The following ATP11C variants were observed in gnomAD, a reference collection of about 807,000 sequenced individuals.
ATP11C encodes ATPase phospholipid transporting 11C (ATP11C blood group), also known as phospholipid-transporting ATPase IG.
A neutral mutation model predicts 97.4 loss-of-function variants in ATP11C; 36 were observed. The ratio of observed to expected loss-of-function variants is 0.37; its 90% CI spans 0.28 to 0.49. ATP11C has a LOEUF of 0.49. Ranked by LOEUF, ATP11C falls within the 20% of genes least tolerant of loss-of-function variation. The pLI is 0.98. For synonymous variants in ATP11C, 275 were observed against 290.9 expected (o/e 0.95, Z 0.56); for missense variants, 730 against 824.6 (o/e 0.89, Z 1.40).
At chrX:139,786,644 C>T (rs1413015336) in intron 15 of ATP11C, among the ~76,000 whole-genome samples, 1 of 112,270 alleles carries the variant, frequency 8.9e-6, no homozygotes, top group African/African-American at 3.2e-5. Context: ...AATTAAAATC[C>T]ACCATTAAGA....
chrX:139,870,891 C>A (rs1186341560), intron 1 of ATP11C, among the ~76,000 whole-genome samples: 1 of 109,056 alleles, frequency 9.2e-6, no homozygotes, highest in Non-Finnish European at 1.9e-5. Context: ...CCCGTCTCTG[C>A]TAAAAATACA....
intron 1 of ATP11C, among the ~76,000 whole-genome samples, chrX:139,919,698 T>C (rs2085223671): frequency 2.7e-5 from 3 of 112,256 alleles, no homozygotes; most frequent in Non-Finnish European, 5.6e-5. Context: ...GGTGGGCGGA[T>C]GACCTAAGGC....
chrX:139,816,268 G>A (rs923645374), intron 4 of ATP11C, among the ~76,000 whole-genome samples: 3 of 111,676 alleles, frequency 2.7e-5, no homozygotes, highest in African/African-American at 9.8e-5. Context: ...CACAAAACAT[G>A]ATTAACATTG....
intron 1 of ATP11C, among the ~76,000 whole-genome samples, chrX:139,913,224 G>C (rs899778683): frequency 1.8e-5 from 2 of 111,956 alleles, no homozygotes; most frequent in Non-Finnish European, 3.8e-5. Context: ...GGCAAAGGCA[G>C]TGTTGATTCC....
At chrX:139,765,479 G>A (rs2082118202) in intron 20 of ATP11C, among the ~76,000 whole-genome samples, 2 of 112,048 alleles carry the variant, frequency 1.8e-5, no homozygotes, top group African/African-American at 3.2e-5. Context: ...GAAGGCCTAG[G>A]ATGTCAGAGA....
chrX:139,745,535 C>A (rs1470275626), intron 25 of ATP11C, among the ~76,000 whole-genome samples, 187 bp downstream of exon 25: 2 of 112,093 alleles, frequency 1.8e-5, no homozygotes, highest in Non-Finnish European at 3.8e-5. Context: ...GTTAGCCATG[C>A]ACAGAAAGTG....
At chrX:139,853,515 AAC>A (rs1223264215) in intron 1 of ATP11C, among the ~76,000 whole-genome samples, 28 of 110,852 alleles carry the variant, frequency 2.5e-4, no homozygotes, top group African/African-American at 8.5e-4. Context: ...TTAAGAAAAA[AAC>A]AGTGTACCCT....
intron 1 of ATP11C, among the ~76,000 whole-genome samples, chrX:139,897,955 A>C (rs1254735855): frequency 9.2e-6 from 1 of 108,773 alleles, no homozygotes; most frequent in African/African-American, 3.3e-5. Flanking sequence ...AAGCAGCAGC[A>C]GCCAGGGATA....
chrX:139,800,398 CCTCT>C (rs934279624), intron 7 of ATP11C, among the ~76,000 whole-genome samples: 6 of 112,167 alleles, frequency 5.3e-5, no homozygotes, highest in Non-Finnish European at 1.1e-4. Flanking sequence ...GCACACAACA[CCTCT>C]CTCTTTTATA....
chrX:139,918,761 T>C (rs1483200650), intron 1 of ATP11C, among the ~76,000 whole-genome samples: 1 of 106,008 alleles, frequency 9.4e-6, no homozygotes, highest in Non-Finnish European at 1.9e-5. Context: ...CTAAGTGAAA[T>C]AAGCCAGTCA....
At chrX:139,781,940 A>G (rs2082468064) in intron 18 of ATP11C, among the ~76,000 whole-genome samples, 1 of 110,981 alleles carries the variant, frequency 9.0e-6, no homozygotes, top group African/African-American at 3.3e-5. Context: ...ATTTGATAAT[A>G]TGTGCATAAA....
At chrX:139,909,840 A>G (rs1324250241) in intron 1 of ATP11C, 2 of 112,116 alleles carry the variant, frequency 1.8e-5, no homozygotes, top group Non-Finnish European at 3.8e-5. Flanking sequence ...TGAAGAAAAC[A>G]GGAAGGAAGA....
intron 1 of ATP11C, among the ~76,000 whole-genome samples, chrX:139,895,851 T>C (rs1325115502): frequency 9.0e-6 from 1 of 111,174 alleles, no homozygotes; most frequent in Non-Finnish European, 1.9e-5. Context: ...TTATCTCTTT[T>C]TTTTGCTGGA....
At position 139,832,197 on chromosome X, in the gene ATP11C, T is replaced by G. The variant is rs758239814; in HGVS notation, c.28-5374A>C. On this transcript the variant is annotated intron_variant, in intron 1 of 29. Coordinates refer to ENST00000682941, the MANE Select transcript of ATP11C (RefSeq NM_001353812.2). ...AGATGGGACCATCTGCATACTGACATGCAGAAATTTGGCAACACAATGGCA... is the reference window on the plus strand; with the variant it reads ...AGATGGGACCATCTGCATACTGACAGGCAGAAATTTGGCAACACAATGGCA... 8.7e-5 allele frequency: 105 copies of G among 1,207,296 alleles called. No individual in the cohort carries two copies. In the South Asian group the frequency reaches 1.6e-3, roughly 18 times the overall value.
chrX:139,771,088 C>A (rs2082244737), intron 19 of ATP11C, among the ~76,000 whole-genome samples: 1 of 111,518 alleles, frequency 9.0e-6, no homozygotes, highest in Non-Finnish European at 1.9e-5. Flanking sequence ...CAAATCTCAA[C>A]TTGAATTGTA....
At chrX:139,776,540 A>G (rs1174071623) in intron 18 of ATP11C, among the ~76,000 whole-genome samples, 1 of 111,668 alleles carries the variant, frequency 9.0e-6, no homozygotes, top group Non-Finnish European at 1.9e-5. Flanking sequence ...GAAGCGGATC[A>G]TCTTCCTACC....
At position 139,727,343 on chromosome X, in the gene ATP11C, A is replaced by C. The variant is rs1381429187; in HGVS notation, c.*1623T>G. On this transcript the variant is annotated 3_prime_UTR_variant, in exon 30 of 30. Transcript: ENST00000682941. ...ACTTTTGTTTTCAGCAGCTTACCTC[A>C]AATACGGGCTACCAGAACACAGCAC... 1 of 112,117 alleles carries C rather than the reference A, an allele frequency of 8.9e-6. No homozygotes were observed. Among genetic ancestry groups the C allele is most frequent in the African/African-American group, 3.2e-5 (1 of 30,822 alleles). 9.2% of individuals were successfully genotyped at this position (112,117 alleles called of 1,213,427 possible). A position where few individuals can be genotyped will look rare whatever the true frequency, so the allele number is the denominator to read the frequency against.
At chrX:139,911,002 A>T (rs1603417280) in intron 1 of ATP11C, among the ~76,000 whole-genome samples, 1 of 111,617 alleles carries the variant, frequency 9.0e-6, no homozygotes, top group Non-Finnish European at 1.9e-5. Flanking sequence ...CTCAAAAAAT[A>T]ATTTGCAAAA....
chrX:139,818,248 C>CAT (rs2083329946), intron 3 of ATP11C, among the ~76,000 whole-genome samples: 1 of 112,107 alleles, frequency 8.9e-6, no homozygotes, highest in South Asian at 3.7e-4. Context: ...GGCTTTACTA[C>CAT]ATTAAGTGAA....
Sources: allele counts gnomAD v4.1 joint callset (sites outside exome capture counted in the v4.1 genomes callset), GRCh38; gene constraint gnomAD v4.1.1; transcripts MANE v1.5; gene names NCBI Gene and HGNC (gene_info 2026-07-23, HGNC 2026-07-21).